Variants in ZNF112 observed in about 807,000 individuals in gnomAD.
ZNF112 encodes zinc finger protein 112, also known as zinc finger protein 112 (Y14).
Under a neutral mutation model 77.7 loss-of-function variants are expected in ZNF112, and 37 were observed. That is an observed-to-expected ratio of 0.48 (90% CI 0.37 to 0.63). ZNF112 has a LOEUF of 0.63. Ranked by LOEUF, ZNF112 falls within the 20% of genes least tolerant of loss-of-function variation. The pLI is 0.00. For missense variants in ZNF112, 950 were observed against 1,077.4 expected, an observed-to-expected ratio of 0.88 and a Z score of 1.66; for synonymous variants, 333 against 363.6, an observed-to-expected ratio of 0.92 and a Z score of 0.96.
upstream of ZNF112, among the ~76,000 whole-genome samples, chr19:44,359,382 G>A (rs1397180472): frequency 7.6e-6 from 1 of 131,062 alleles, no homozygotes; most frequent in Non-Finnish European, 1.5e-5. Flanking sequence ...GAAGTGCAGT[G>A]GTGCCATCTC....
chr19:44,364,210 T>G (rs968688733), intron 1 of ZNF112, among the ~76,000 whole-genome samples: 3 of 152,164 alleles, frequency 2.0e-5, no homozygotes, highest in African/African-American at 7.2e-5. Flanking sequence ...ATGCCTGGCC[T>G]GTTATCAGTA....
intron 3 of ZNF112, among the ~76,000 whole-genome samples, chr19:44,334,801 C>T (rs1599917054): frequency 1.3e-5 from 2 of 152,348 alleles, no homozygotes; most frequent in South Asian, 2.1e-4. Context: ...GGAACCTCTG[C>T]CCAGATTTCA....
At chr19:44,354,157 A>G (rs1432873899) in intron 1 of ZNF112, among the ~76,000 whole-genome samples, 2 of 152,154 alleles carry the variant, frequency 1.3e-5, no homozygotes, top group Non-Finnish European at 2.9e-5. Context: ...ACATTCTCAA[A>G]AAGACAAAAC....
At chr19:44,350,006 C>T (rs566756572) in intron 1 of ZNF112, among the ~76,000 whole-genome samples, 190 of 151,988 alleles carry the variant, frequency 1.3e-3, no homozygotes, top group African/African-American at 3.9e-3. Context: ...TAGGAACAGT[C>T]GATATGGAAC....
upstream of ZNF112, among the ~76,000 whole-genome samples, chr19:44,359,657 A>G (rs918841522): frequency 4.6e-5 from 7 of 152,096 alleles, no homozygotes; most frequent in African/African-American, 1.7e-4. Context: ...AAATCTAGCT[A>G]CCAACTCTAC....
In ZNF112 at chr19:44,329,087, A is replaced by C; in HGVS notation, c.1070T>G (p.Ile357Ser). ...HTGEMSYRHN[I>S]YEKAFSHSLD... ...GCTATGACTGAAGGCTTTCTCATAAATGTTGTGCCTATAGGACATCTCACC... is the reference window on the plus strand; with the variant it reads ...GCTATGACTGAAGGCTTTCTCATAACTGTTGTGCCTATAGGACATCTCACC... The change falls in exon 4 of 4, where the codon ATT becomes AGT. Residue 357 changes from isoleucine (I) to serine (S), a missense_variant. Transcript: ENST00000354340. The C allele has an allele frequency of 6.2e-7, 1 of 1,613,914 alleles. No individual in the cohort carries two copies. Among genetic ancestry groups the C allele is most frequent in the East Asian group, 2.2e-5 (1 of 44,860 alleles).
chr19:44,357,232 A>G (rs1350797944), upstream of ZNF112, among the ~76,000 whole-genome samples: 1 of 152,164 alleles, frequency 6.6e-6, no homozygotes, highest in African/African-American at 2.4e-5. Context: ...ACACAAACCC[A>G]AATAAACTCA....
At chr19:44,365,986 T>C (rs936328790) in intron 1 of ZNF112, among the ~76,000 whole-genome samples, 6 of 152,150 alleles carry the variant, frequency 3.9e-5, no homozygotes, top group African/African-American at 1.4e-4. Flanking sequence ...GAGCCTTCAT[T>C]ACAAAATGAA....
intron 1 of ZNF112, among the ~76,000 whole-genome samples, chr19:44,365,206 C>A (rs1257428489): frequency 2.0e-5 from 3 of 152,002 alleles, no homozygotes; most frequent in Non-Finnish European, 4.4e-5. Flanking sequence ...GTAATCCCAG[C>A]ACTTTGGGAG....
intron 1 of ZNF112, among the ~76,000 whole-genome samples, chr19:44,346,488 G>C (rs1212593706): frequency 3.3e-5 from 5 of 151,976 alleles, no homozygotes; most frequent in Non-Finnish European, 5.9e-5. Flanking sequence ...GTTTATTTTA[G>C]GTCAGTAATT....
At chr19:44,345,482 A>G (rs1970571745) in intron 1 of ZNF112, among the ~76,000 whole-genome samples, 1 of 152,230 alleles carries the variant, frequency 6.6e-6, no homozygotes, top group Non-Finnish European at 1.5e-5. Flanking sequence ...CTTCCAGTTT[A>G]GACCTCTCTG....
chr19:44,362,268 A>G (rs1372381622), intron 1 of ZNF112, among the ~76,000 whole-genome samples: 5 of 152,060 alleles, frequency 3.3e-5, no homozygotes. Flanking sequence ...GAGGAGAAGT[A>G]GGAGGAGGAA....
At chr19:44,337,031 T>C (rs1179832966) in intron 2 of ZNF112, among the ~76,000 whole-genome samples, 17 of 151,304 alleles carry the variant, frequency 1.1e-4, no homozygotes, top group Non-Finnish European at 2.4e-4. Flanking sequence ...GTGTGCATCA[T>C]TATGCCCAGC....
At chr19:44,334,344 T>C (rs1970325844) in intron 3 of ZNF112, among the ~76,000 whole-genome samples, 1 of 152,206 alleles carries the variant, frequency 6.6e-6, no homozygotes, top group Admixed American at 6.5e-5. Context: ...TATCTGAAAC[T>C]GGAACTTATA....
chr19:44,327,816 T>C lies in ZNF112; in HGVS notation c.2341A>G (p.Ser781Gly), dbSNP rs769188746. ...YKCEVCTKGFSESSRLQAHQR... is the reference protein window; with the variant it reads ...YKCEVCTKGFGESSRLQAHQR... ...TGTGCTTGAAGGCGTGAACTCTCAC[T>C]GAAACCCTTTGTACACACCTCACAT... Residue 781 changes from serine to glycine, a missense_variant, in exon 4 of 4, where the codon AGT becomes GGT. Transcript: ENST00000354340. 1 of 1,613,942 alleles carries C rather than the reference T, an allele frequency of 6.2e-7. No homozygotes were observed. Among genetic ancestry groups the C allele is most frequent in the Non-Finnish European group, 8.5e-7 (1 of 1,179,876 alleles).
At chr19:44,331,729 A>T (rs1970273725) in intron 3 of ZNF112, among the ~76,000 whole-genome samples, 1 of 152,222 alleles carries the variant, frequency 6.6e-6, no homozygotes, top group Middle Eastern at 3.2e-3. Context: ...GTAGTTGCTC[A>T]ATAAACATTG....
At chr19:44,337,336 C>T (rs569090566) in intron 2 of ZNF112, among the ~76,000 whole-genome samples, 66 of 82,042 alleles carry the variant, frequency 8.0e-4, no homozygotes, top group African/African-American at 2.9e-3. Context: ...AATATATATA[C>T]ATTTTGTATA....
chr19:44,364,917 T>G (rs10411828), intron 1 of ZNF112, among the ~76,000 whole-genome samples: 3,802 of 152,264 alleles, frequency 0.025, 162 homozygotes, highest in African/African-American at 0.086. Context: ...ATGAAGGATA[T>G]TCATCTGTAG....
At chr19:44,343,387 T>G in intron 1 of ZNF112, 1 of 1,139,032 alleles carries the variant, frequency 8.8e-7, no homozygotes, top group Non-Finnish European at 1.3e-6. Flanking sequence ...AAGGTGTCCC[T>G]TCCCCCAGCA....
Sources: allele counts gnomAD v4.1 joint callset (sites outside exome capture counted in the v4.1 genomes callset), GRCh38; gene constraint gnomAD v4.1.1; transcripts MANE v1.5; gene names NCBI Gene and HGNC (gene_info 2026-07-23, HGNC 2026-07-21).